MTA3: variants seen among roughly 807,000 people sequenced by gnomAD.
MTA3 encodes the protein metastasis-associated protein MTA3.
Under a neutral mutation model 83.5 loss-of-function variants are expected in MTA3, and 34 were observed. The ratio of observed to expected loss-of-function variants is 0.41; its 90% CI spans 0.31 to 0.54. The LOEUF is 0.54. MTA3 is among the 20% of genes least tolerant of loss of function. The pLI is 0.33. For missense variants in MTA3, 761 were observed against 726.4 expected, an observed-to-expected ratio of 1.05 and a Z score of -0.55; for synonymous variants, 303 against 252.7, an observed-to-expected ratio of 1.20 and a Z score of -1.89.
chr2:42,636,869 C>T (rs2104285427), intron 4 of MTA3, among the ~76,000 whole-genome samples: 1 of 152,252 alleles, frequency 6.6e-6, no homozygotes. Context: ...TCGTGACCCG[C>T]CCGCATCGGC....
At position 42,755,557 on chromosome 2, in the gene MTA3, G is replaced by C. The variant is rs1443173235; in HGVS notation, c.*2158G>C. Reference sequence around the variant, plus strand: ...GTTCTGTAGTCCAGTCATCCTAGGAGGGTGATGTTGACTGAGACTTCACGC... The same window carrying C: ...GTTCTGTAGTCCAGTCATCCTAGGACGGTGATGTTGACTGAGACTTCACGC... On this transcript the variant is annotated 3_prime_UTR_variant, in exon 17 of 17. Transcript: ENST00000405094. The C allele has an allele frequency of 5.1e-6, 5 of 985,374 alleles. No individual in the cohort carries two copies. The highest frequency in any genetic ancestry group is 6.0e-6 in the Non-Finnish European group (5 of 829,954). 61.0% of individuals were successfully genotyped at this position (985,374 alleles called of 1,614,324 possible).
intron 1 of MTA3, among the ~76,000 whole-genome samples, 171 bp from the exon 2 acceptor site, chr2:42,570,266 T>C (rs770665376): frequency 2.0e-5 from 3 of 152,206 alleles, no homozygotes; most frequent in African/African-American, 7.2e-5. Context: ...GGTCTGTGAA[T>C]AGTAGGCACG....
rs772518674 is a variant in MTA3, at chr2:42,659,807, T to G, written c.647T>G (p.Val216Gly). The change falls in exon 8 of 17, where the codon GTG becomes GGG. Residue 216 changes from valine (V) to glycine (G), a missense_variant. By Grantham distance (109) the Val-to-Gly change is moderately radical. Coordinates refer to ENST00000405094, the MANE Select transcript of MTA3 (RefSeq NM_001330442.2). ...FARALDCSSS[V>G]RQPSLHMSAA... ...AGAGCCCTGGATTGCAGCAGTTCTG[T>G]GAGGCAGCCTAGTTTGCATATGAGT... 13 of 1,609,294 alleles carry G rather than the reference T, an allele frequency of 8.1e-6. No homozygotes were observed. The highest frequency in any genetic ancestry group is 1.1e-5 in the Non-Finnish European group (13 of 1,177,816).
At chr2:42,499,945 A>T (rs2103639455) in intron 2 of MTA3, among the ~76,000 whole-genome samples, 1 of 151,702 alleles carries the variant, frequency 6.6e-6, no homozygotes, top group Admixed American at 6.6e-5. Context: ...TACCTCAATA[A>T]AGTGTTTTCT....
At chr2:42,604,148 T>A (rs1682941730) in intron 3 of MTA3, among the ~76,000 whole-genome samples, 1 of 151,778 alleles carries the variant, frequency 6.6e-6, no homozygotes, top group Non-Finnish European at 1.5e-5. Context: ...TTCAAGCGAT[T>A]CTCCTGCCTG....
At chr2:42,555,674 A>C (rs1174500239) in intron 2 of MTA3, among the ~76,000 whole-genome samples, 1 of 151,784 alleles carries the variant, frequency 6.6e-6, no homozygotes, top group Non-Finnish European at 1.5e-5. Context: ...AGGCTGAGGC[A>C]GGAGAATGGC....
chr2:42,598,497 G>C (rs1271307416), intron 3 of MTA3, among the ~76,000 whole-genome samples: 1 of 152,118 alleles, frequency 6.6e-6, no homozygotes, highest in Non-Finnish European at 1.5e-5. Context: ...TACATAATCT[G>C]TTTAAACCCT....
intron 3 of MTA3, among the ~76,000 whole-genome samples, chr2:42,584,556 T>A (rs1232463319): frequency 6.6e-6 from 1 of 152,136 alleles, no homozygotes; most frequent in African/African-American, 2.4e-5. Flanking sequence ...TTTTTTTTTT[T>A]TTGGGATGGA....
In MTA3 at chr2:42,589,836, C is replaced by T. The variant is rs185660477; in HGVS notation, c.190+10636C>T. ...TCTGGGTTAGAGGCTTCTCAGAGAC[C>T]TGTATTGTATTTCTCTTTTGTCACC... On this transcript the variant is annotated intron_variant, in intron 3 of 16. Transcript: ENST00000405094. Among the ~76,000 whole-genome samples, 110 of 152,234 alleles carry T rather than the reference C, an allele frequency of 7.2e-4. 1 individual carries two copies. The highest frequency in any genetic ancestry group is 2.5e-3 in the African/African-American group (105 of 41,556).
chr2:42,674,147 A>T (rs926396854), intron 8 of MTA3, among the ~76,000 whole-genome samples: 1 of 152,230 alleles, frequency 6.6e-6, no homozygotes, highest in African/African-American at 2.4e-5. Flanking sequence ...CCAAATGTGC[A>T]AACACTTGTC....
intron 2 of MTA3, among the ~76,000 whole-genome samples, chr2:42,507,224 T>A (rs1203293657): frequency 6.6e-6 from 1 of 152,124 alleles, no homozygotes; most frequent in Non-Finnish European, 1.5e-5. Flanking sequence ...CAGGCTGTAG[T>A]AGAGTGGCAC....
intron 3 of MTA3, among the ~76,000 whole-genome samples, chr2:42,596,705 A>C (rs13017863): frequency 1.2e-4 from 18 of 152,150 alleles, no homozygotes; most frequent in Middle Eastern, 6.8e-3. Context: ...AGATATTCTT[A>C]AGCTTTTTAG....
intron 8 of MTA3, among the ~76,000 whole-genome samples, chr2:42,675,283 A>T (rs1573576509): frequency 6.6e-6 from 1 of 151,594 alleles, no homozygotes; most frequent in Non-Finnish European, 1.5e-5. Flanking sequence ...CTACAGGCGC[A>T]TGCCACCACA....
intron 4 of MTA3, among the ~76,000 whole-genome samples, chr2:42,623,178 G>A (rs2104206382): frequency 6.6e-6 from 1 of 152,308 alleles, no homozygotes; most frequent in Admixed American, 6.5e-5. Flanking sequence ...TGTTTGTTTA[G>A]TGTTCCAGTA....
intron 3 of MTA3, among the ~76,000 whole-genome samples, chr2:42,603,282 T>C (rs1267855647): frequency 6.6e-6 from 1 of 151,982 alleles, no homozygotes; most frequent in Non-Finnish European, 1.5e-5. Flanking sequence ...GAAATAGAAA[T>C]TGTGTTTTAG....
At chr2:42,663,150 A>G (rs1467411800) in intron 8 of MTA3, among the ~76,000 whole-genome samples, 4 of 152,216 alleles carry the variant, frequency 2.6e-5, no homozygotes, top group Non-Finnish European at 5.9e-5. Context: ...CACTATTCTT[A>G]TGAGATACTG....
At chr2:42,611,341 C>CACACACACACACA (rs1462110821) in intron 4 of MTA3, among the ~76,000 whole-genome samples, 45,660 of 149,352 alleles carry the variant, frequency 0.31, 7,171 homozygotes, top group Middle Eastern at 0.44. Flanking sequence ...ACACACACAC[C>CACACACACACACA]CCCTCACACA....
intron 16 of MTA3, among the ~76,000 whole-genome samples, chr2:42,744,945 G>A (rs933871131): frequency 6.6e-6 from 1 of 152,198 alleles, no homozygotes; most frequent in African/African-American, 2.4e-5. Context: ...AATGGAAATG[G>A]AAGAATTTGT....
intron 4 of MTA3, among the ~76,000 whole-genome samples, chr2:42,633,591 C>T (rs745533041): frequency 6.8e-6 from 1 of 145,994 alleles, no homozygotes; most frequent in Non-Finnish European, 1.5e-5. Flanking sequence ...AAAAGAAGTC[C>T]ATTAAAAATC....
Sources: allele counts gnomAD v4.1 joint callset (sites outside exome capture counted in the v4.1 genomes callset), GRCh38; gene constraint gnomAD v4.1.1; transcripts MANE v1.5; gene names NCBI Gene and HGNC (gene_info 2026-07-23, HGNC 2026-07-21).